Variants in CACNA1B observed in about 807,000 individuals in gnomAD.
CACNA1B encodes voltage-dependent N-type calcium channel subunit alpha-1B.
A neutral mutation model predicts 247.2 loss-of-function variants in CACNA1B; 70 were observed. That is an observed-to-expected ratio of 0.28 (90% CI 0.23 to 0.35). The LOEUF (loss-of-function observed/expected upper bound fraction) is 0.35, where lower values mean the gene tolerates loss of function less well. Ranked by LOEUF, CACNA1B falls within the 10% of genes least tolerant of loss-of-function variation. The pLI is 1.00. For synonymous variants in CACNA1B, 1,231 were observed against 1,294.4 expected, an observed-to-expected ratio of 0.95 and a Z score of 1.05; for missense variants, 2,367 against 3,197.4, an observed-to-expected ratio of 0.74 and a Z score of 6.26.
rs1445830520 is a variant in CACNA1B, at chr9:138,011,606, T to G, written c.2161-1523T>G. ...TTGTTTTAGACCTTCCAGGGGACTT[T>G]AGAACACTCCCTGGAGTGACTGGCA... On this transcript the variant is annotated intron_variant, in intron 17 of 46. Coordinates refer to ENST00000371372, the MANE Select transcript of CACNA1B (RefSeq NM_000718.4). This position sits in a 1 kb window ranked among gnomAD's most constrained non-coding sequence, Gnocchi z 4.2. Among the ~76,000 whole-genome samples, 1 of 152,186 alleles carries G rather than the reference T, an allele frequency of 6.6e-6. No homozygotes were observed. The highest frequency in any genetic ancestry group is 1.5e-5 in the Non-Finnish European group (1 of 68,034).
chr9:138,003,778 CTTTTTTTTTTTT>C (rs11305081), intron 15 of CACNA1B, among the ~76,000 whole-genome samples: 24 of 86,894 alleles, frequency 2.8e-4, no homozygotes, highest in South Asian at 7.2e-4. Context: ...ACGGGCTTGC[CTTTTTTTTTTTT>C]TTTTTTTTTT....
chr9:138,115,932 T>C (rs1961837810), intron 42 of CACNA1B, among the ~76,000 whole-genome samples: 2 of 152,242 alleles, frequency 1.3e-5, no homozygotes, highest in Admixed American at 1.3e-4. Context: ...AGATGCTTGT[T>C]GTACTTGCTG....
intron 20 of CACNA1B, among the ~76,000 whole-genome samples, chr9:138,040,948 G>A (rs1355495627): frequency 3.9e-5 from 6 of 152,132 alleles, no homozygotes; most frequent in African/African-American, 7.2e-5. Flanking sequence ...AATTAACAAC[G>A]TTTTCAGTTT....
chr9:138,000,713 A>G (rs1958566682), intron 15 of CACNA1B, among the ~76,000 whole-genome samples: 1 of 152,222 alleles, frequency 6.6e-6, no homozygotes, highest in African/African-American at 2.4e-5. Context: ...CGCAAGCTCC[A>G]TGGGGCAGGG....
Position 137,973,743 on chromosome 9 carries a change from C to A in CACNA1B, c.1543+2151C>A, listed in dbSNP as rs1020368073. On this transcript the variant is annotated intron_variant, in intron 11 of 46. Coordinates refer to ENST00000371372, the MANE Select transcript of CACNA1B (RefSeq NM_000718.4). This position sits in a 1 kb window ranked among gnomAD's most constrained non-coding sequence, Gnocchi z 4.1. ...GTAGGATGCATGATACAAGAGTGTA[C>A]GAATGAATGCCCTTTCTGGGCCTCA... 6.6e-6 allele frequency among the ~76,000 whole-genome samples: 1 copy of A among 152,152 alleles called. No individual in the cohort carries two copies.
intron 3 of CACNA1B, among the ~76,000 whole-genome samples, chr9:137,889,124 G>T (rs1957059432): frequency 6.6e-6 from 1 of 150,376 alleles, no homozygotes; most frequent in Non-Finnish European, 1.5e-5. Context: ...AAGGCGACCT[G>T]ACACTGTGTC....
At position 137,917,293 on chromosome 9, in the gene CACNA1B, G is replaced by C. The variant is rs754862286; in HGVS notation, c.828G>C (p.Leu276=). Residue 276 remains leucine, a synonymous_variant, in exon 6 of 47, where the codon CTG becomes CTC. Transcript: ENST00000371372. This position sits in a 1 kb window ranked among gnomAD's most constrained non-coding sequence, Gnocchi z 5.5. ...FPCGKEAPAR[L]CEGDTECREY... ...GTGGCAAGGAGGCCCCAGCCCGGCT[G>C]TGCGAGGGCGACACTGAGTGCCGGG... 8 of 1,613,868 alleles carry C rather than the reference G, an allele frequency of 5.0e-6. No individual in the cohort carries two copies. The highest frequency in any genetic ancestry group is 2.2e-5 in the East Asian group (1 of 44,892).
intron 31 of CACNA1B, among the ~76,000 whole-genome samples, chr9:138,064,998 C>T (rs1207565075): frequency 3.3e-5 from 5 of 152,152 alleles, no homozygotes; most frequent in Non-Finnish European, 7.4e-5. Context: ...GCCTTTTGGT[C>T]CTATGCTCAG....
chr9:138,062,730 C>T (rs1959771282), intron 31 of CACNA1B, among the ~76,000 whole-genome samples: 1 of 152,244 alleles, frequency 6.6e-6, no homozygotes, highest in Non-Finnish European at 1.5e-5. Flanking sequence ...AGTATCCTTA[C>T]CTACCACATA....
chr9:138,060,462 C>T (rs1959682242), intron 31 of CACNA1B, among the ~76,000 whole-genome samples: 1 of 152,210 alleles, frequency 6.6e-6, no homozygotes, highest in Non-Finnish European at 1.5e-5. Flanking sequence ...CGTCCCAAGC[C>T]AAGTCCTGGT....
At chr9:137,951,481 T>A (rs1462667580) in intron 6 of CACNA1B, among the ~76,000 whole-genome samples, 1 of 152,146 alleles carries the variant, frequency 6.6e-6, no homozygotes, top group Non-Finnish European at 1.5e-5. Context: ...AAGAGAGGCG[T>A]CCAGGAACGG....
chr9:138,073,935 C>A lies in CACNA1B; in HGVS notation c.4792-66C>A. On this transcript the variant is annotated intron_variant, in intron 33 of 46. Transcript: ENST00000371372. The surrounding 1 kb of genome is among the most constrained non-coding windows in gnomAD (Gnocchi z 6.4). Reference sequence around the variant, plus strand: ...TGTGTGACCTCAAAGGCCCAGCCACCGTAGCAGGAGGCCTGGGCGTGGTGG... The same window carrying A: ...TGTGTGACCTCAAAGGCCCAGCCACAGTAGCAGGAGGCCTGGGCGTGGTGG... 2.2e-6 allele frequency: 3 copies of A among 1,334,532 alleles called. No individual in the cohort carries two copies. The highest frequency in any genetic ancestry group is 1.2e-5 in the South Asian group (1 of 85,658). 82.7% of individuals were successfully genotyped at this position (1,334,532 alleles called of 1,614,324 possible).
In CACNA1B at chr9:138,052,323, GCTCA is replaced by G. The variant is rs1204390194; in HGVS notation, c.3807+140_3807+143del. On this transcript the variant is annotated intron_variant, in intron 25 of 46. Coordinates refer to ENST00000371372, the MANE Select transcript of CACNA1B (RefSeq NM_000718.4). The surrounding 1 kb of genome is among the most constrained non-coding windows in gnomAD (Gnocchi z 5.1). ...TCACACCCCTGTGTGAGGGGGTTGG[GCTCA>G]CTCAGCTGTAAGCCCCCATTACCCA... 1 of 598,294 alleles carries G rather than the reference GCTCA, an allele frequency of 1.7e-6. No individual in the cohort carries two copies. The highest frequency in any genetic ancestry group is 3.0e-6 in the Non-Finnish European group (1 of 331,686). 37.1% of individuals were successfully genotyped at this position (598,294 alleles called of 1,614,324 possible). A position where few individuals can be genotyped will look rare whatever the true frequency, so the allele number is the denominator to read the frequency against.
chr9:138,017,950 C>T (rs1203026277), intron 18 of CACNA1B, among the ~76,000 whole-genome samples: 2 of 117,892 alleles, frequency 1.7e-5, no homozygotes, highest in Admixed American at 7.7e-5. Flanking sequence ...GCAGTTAGGC[C>T]ACCTGCCCTG....
In CACNA1B at chr9:138,012,121, T is replaced by G. The variant is rs1958731679; in HGVS notation, c.2161-1008T>G. On this transcript the variant is annotated intron_variant, in intron 17 of 46. Coordinates refer to ENST00000371372, the MANE Select transcript of CACNA1B (RefSeq NM_000718.4). The surrounding 1 kb of genome is among the most constrained non-coding windows in gnomAD (Gnocchi z 4.2). ...CCCAGCCCTGAGGGCAGGAGCCATG[T>G]GAAGTTCAGGGCCAGGCACTGCAAG... Among the ~76,000 whole-genome samples the G allele has an allele frequency of 6.6e-6, 1 of 152,242 alleles. No homozygotes were observed. The highest frequency in any genetic ancestry group is 2.4e-5 in the African/African-American group (1 of 41,468).
chr9:138,059,597 C>A lies in CACNA1B; in HGVS notation c.4585-57C>A. The A allele has an allele frequency of 9.9e-7, 1 of 1,014,696 alleles. No individual in the cohort carries two copies. Among genetic ancestry groups the A allele is most frequent in the Admixed American group, 1.7e-5 (1 of 59,024 alleles). 62.9% of individuals were successfully genotyped at this position (1,014,696 alleles called of 1,614,324 possible). ...TCAGGGCCACCACCTATATATACCTCTTTGCCAACAGAGCCCTCATCAGCC... is the reference window on the plus strand; with the variant it reads ...TCAGGGCCACCACCTATATATACCTATTTGCCAACAGAGCCCTCATCAGCC... On this transcript the variant is annotated intron_variant, in intron 30 of 46. Transcript: ENST00000371372. The surrounding 1 kb of genome is among the most constrained non-coding windows in gnomAD (Gnocchi z 4.2).
rs369167456 is a variant in CACNA1B, at chr9:137,889,872, C to A, written c.530+6989C>A. On this transcript the variant is annotated intron_variant, in intron 3 of 46. Transcript: ENST00000371372. ...CCGCTCTCTTTCTCTGTGTCTCCCC[C>A]CTCCCTCTCTGCCTCCTTCCTGCAT... Among the ~76,000 whole-genome samples the A allele has an allele frequency of 6.5e-3, 954 of 146,616 alleles. 21 individuals carry two copies. Among genetic ancestry groups the A allele is most frequent in the African/African-American group, 0.022 (913 of 40,856 alleles).
chr9:137,879,140 C>T lies in CACNA1B; in HGVS notation c.371C>T (p.Thr124Met), dbSNP rs764544331. The part of the protein sequence containing the change: ...LEQHLPDGDK[T>M]PMSERLDDTE... ...CAGCACCTCCCTGATGGGGACAAAA[C>T]GCCCATGTCCGAGCGGCTGGTGAGT... Residue 124 changes from threonine (T) to methionine (M), a missense_variant, in exon 2 of 47, where the codon ACG (threonine) becomes ATG (methionine). Physicochemically the swap from Thr to Met is moderately conservative, Grantham distance 81. Coordinates refer to ENST00000371372, the MANE Select transcript of CACNA1B (RefSeq NM_000718.4). 6 of 1,610,182 alleles carry T rather than the reference C, an allele frequency of 3.7e-6. No individual in the cohort carries two copies. The South Asian group carries it at 4.4e-5, about 12-fold the overall frequency.
chr9:138,067,180 G>A (rs1160093462), intron 31 of CACNA1B, among the ~76,000 whole-genome samples: 1 of 152,130 alleles, frequency 6.6e-6, no homozygotes, highest in Non-Finnish European at 1.5e-5. Context: ...CAAAAGAAGA[G>A]AGAAAAACCC....
Sources: gnomAD v4.1 joint callset for allele counts (sites outside exome capture counted in the v4.1 genomes callset) on GRCh38, gnomAD v4.1.1 for gene constraint, Gnocchi (gnomAD v3.1) non-coding constraint, MANE v1.5 for transcripts, NCBI Gene and HGNC (gene_info 2026-07-23, HGNC 2026-07-21) for gene names.